The following PLXNA2 variants were observed in gnomAD, a reference collection of about 807,000 sequenced individuals.
PLXNA2 encodes the protein plexin A2, also known as plexin-A2.
PLXNA2 carries 91 observed loss-of-function variants against 193.5 expected under a neutral mutation model. The observed-to-expected ratio is 0.47, with a 90% CI of 0.40 to 0.56. PLXNA2 has a LOEUF of 0.56. Ranked by LOEUF, PLXNA2 falls within the 20% of genes least tolerant of loss-of-function variation. The pLI, the probability that PLXNA2 is intolerant of heterozygous loss-of-function variation, is 0.00. For synonymous variants in PLXNA2, 997 were observed against 1,027.3 expected, an observed-to-expected ratio of 0.97 and a Z score of 0.56; for missense variants, 1,995 against 2,503.2, an observed-to-expected ratio of 0.80 and a Z score of 4.33.
Position 208,066,509 on chromosome 1 carries a change from G to T in PLXNA2, c.2587-5672C>A, listed in dbSNP as rs146951925. On this transcript the variant is annotated intron_variant, in intron 12 of 31. Transcript: ENST00000367033. The stretch of plus-strand genomic sequence containing the variant: ...GGAGCTGAAAAATTCCTACCACCTT[G>T]TGGCATTGTGGCAGTCATAAGTCAT... Among the ~76,000 whole-genome samples the T allele has an allele frequency of 1.3e-3, 200 of 152,312 alleles. 1 individual carries two copies. The highest frequency in any genetic ancestry group is 4.7e-3 in the African/African-American group (196 of 41,556).
chr1:208,196,424 T>C (rs1572021104), intron 3 of PLXNA2, among the ~76,000 whole-genome samples: 1 of 152,222 alleles, frequency 6.6e-6, no homozygotes. Context: ...CCTTTAAGCA[T>C]GCACTTACAC....
At chr1:208,179,552 C>G (rs1215935702) in intron 3 of PLXNA2, among the ~76,000 whole-genome samples, 1 of 152,156 alleles carries the variant, frequency 6.6e-6, no homozygotes, top group African/African-American at 2.4e-5. Context: ...CCTTGGTTCA[C>G]AGACTACACG....
chr1:208,130,436 G>A (rs952611026), intron 4 of PLXNA2, among the ~76,000 whole-genome samples: 1 of 152,054 alleles, frequency 6.6e-6, no homozygotes, highest in South Asian at 2.1e-4. Flanking sequence ...ACACAGGAAC[G>A]TTTGCTCTCA....
At chr1:208,053,603 T>C (rs1665333067) in intron 14 of PLXNA2, among the ~76,000 whole-genome samples, 1 of 152,196 alleles carries the variant, frequency 6.6e-6, no homozygotes, top group Non-Finnish European at 1.5e-5. Context: ...TTTTTAAAAC[T>C]CTCAGCAAGG....
chr1:208,185,461 G>A (rs1418213116), intron 3 of PLXNA2, among the ~76,000 whole-genome samples: 2 of 151,828 alleles, frequency 1.3e-5, no homozygotes, highest in African/African-American at 4.8e-5. Context: ...TAAAGACTTG[G>A]CAAGAATTCC....
intron 3 of PLXNA2, among the ~76,000 whole-genome samples, chr1:208,148,357 G>C (rs1668661500): frequency 6.6e-6 from 1 of 152,108 alleles, no homozygotes. Flanking sequence ...AAAGAGATTG[G>C]TTTGAAAGGC....
chr1:208,222,415 A>AAG (rs150037374), intron 1 of PLXNA2, among the ~76,000 whole-genome samples: 1 of 152,190 alleles, frequency 6.6e-6, no homozygotes, highest in African/African-American at 2.4e-5. Context: ...TCGCCTGAAC[A>AAG]AGAGAGTCTC....
intron 22 of PLXNA2, among the ~76,000 whole-genome samples, chr1:208,041,582 T>C (rs1365045115): frequency 6.6e-6 from 1 of 152,210 alleles, no homozygotes; most frequent in African/African-American, 2.4e-5. Context: ...GGCCACTAGC[T>C]GCAATGTGGC....
rs368848400 is a variant in PLXNA2, at chr1:208,236,933, G to T, written c.-81+6710C>A. Among the ~76,000 whole-genome samples the T allele has an allele frequency of 2.0e-5, 3 of 152,236 alleles. No homozygotes were observed. The East Asian group carries it at 5.8e-4, about 29-fold the overall frequency. On this transcript the variant is annotated intron_variant, in intron 1 of 31. Transcript: ENST00000367033. This position sits in a 1 kb window ranked among gnomAD's most constrained non-coding sequence, Gnocchi z 4.4. ...TCTGTGCTTCCCAGTGCAGGGGTCA[G>T]TTCCCTGACAGCATCACTGATGTGG...
At position 208,142,324 on chromosome 1, in the gene PLXNA2, C is replaced by T. The variant is rs765602184; in HGVS notation, c.1506+5G>A. ...TGGAAAGCAGAGATGGATGTTAGCACTTACCTGTCTCTCAGACATGACGTA... is the reference window on the plus strand; with the variant it reads ...TGGAAAGCAGAGATGGATGTTAGCATTTACCTGTCTCTCAGACATGACGTA... On this transcript the variant is annotated splice_donor_5th_base_variant and intron_variant, in intron 4 of 31. Coordinates refer to ENST00000367033, the MANE Select transcript of PLXNA2 (RefSeq NM_025179.4). The T allele has an allele frequency of 4.4e-6, 7 of 1,589,518 alleles. No homozygotes were observed. The Admixed American group carries it at 1.1e-4, about 25-fold the overall frequency.
chr1:208,085,812 A>G (rs1315018616), intron 9 of PLXNA2, among the ~76,000 whole-genome samples: 1 of 152,138 alleles, frequency 6.6e-6, no homozygotes, highest in African/African-American at 2.4e-5. Flanking sequence ...GTTAACTCTG[A>G]GATGCCCTCT....
chr1:208,241,541 A>T (rs1301747776), intron 1 of PLXNA2, among the ~76,000 whole-genome samples: 1 of 152,240 alleles, frequency 6.6e-6, no homozygotes, highest in Non-Finnish European at 1.5e-5. Flanking sequence ...AAGAAGGACC[A>T]GCTGGGATTT....
chr1:208,095,442 C>T (rs1388085697), intron 8 of PLXNA2, among the ~76,000 whole-genome samples: 2 of 152,186 alleles, frequency 1.3e-5, no homozygotes, highest in Non-Finnish European at 2.9e-5. Flanking sequence ...CCACTGAAGG[C>T]TGTGGTTTGG....
chr1:208,142,214 CT>C, intron 4 of PLXNA2, 114 bp downstream of exon 4: 1 of 1,199,274 alleles, frequency 8.3e-7, no homozygotes, highest in Non-Finnish European at 1.1e-6. Context: ...CTCAAGACCC[CT>C]GTGCTGCAAG....
At chr1:208,035,651 C>T (rs1664649260) in intron 26 of PLXNA2, among the ~76,000 whole-genome samples, 1 of 152,172 alleles carries the variant, frequency 6.6e-6, no homozygotes, top group Non-Finnish European at 1.5e-5. Context: ...GGGAATAAAA[C>T]AGCTATAATA....
intron 12 of PLXNA2, among the ~76,000 whole-genome samples, chr1:208,074,017 G>A (rs2102372292): frequency 6.6e-6 from 1 of 152,350 alleles, no homozygotes; most frequent in East Asian, 1.9e-4. Context: ...CCTGTTTGTG[G>A]TTCTTTGCTA....
At chr1:208,037,687 G>A (rs867990456) in intron 26 of PLXNA2, among the ~76,000 whole-genome samples, 6 of 152,054 alleles carry the variant, frequency 3.9e-5, no homozygotes, top group South Asian at 4.1e-4. Context: ...GAGAAGAGGC[G>A]GGAGTAGATA....
At chr1:208,125,704 C>T (rs988868133) in intron 4 of PLXNA2, among the ~76,000 whole-genome samples, 6 of 152,306 alleles carry the variant, frequency 3.9e-5, no homozygotes, top group East Asian at 1.9e-4. Context: ...TTTGCCTGCC[C>T]GCTTTCCTCT....
In PLXNA2 at chr1:208,082,304, G is replaced by A; in HGVS notation, c.2395+108C>T. On this transcript the variant is annotated intron_variant, in intron 11 of 31. Coordinates refer to ENST00000367033, the MANE Select transcript of PLXNA2 (RefSeq NM_025179.4). This position sits in a 1 kb window ranked among gnomAD's most constrained non-coding sequence, Gnocchi z 4.2. ...CCTCTGAAGAGTTCCGCCGACAGAG[G>A]GAGTGTATTATTCATGGCACAGCGG... The A allele has an allele frequency of 1.2e-6, 1 of 804,806 alleles. No individual in the cohort carries two copies. Among genetic ancestry groups the A allele is most frequent in the South Asian group, 1.5e-5 (1 of 68,202 alleles). 49.9% of individuals were successfully genotyped at this position (804,806 alleles called of 1,614,324 possible). A position where few individuals can be genotyped will look rare whatever the true frequency, so the allele number is the denominator to read the frequency against.
Sources: allele counts gnomAD v4.1 joint callset (sites outside exome capture counted in the v4.1 genomes callset), GRCh38; gene constraint gnomAD v4.1.1; non-coding constraint Gnocchi (gnomAD v3.1); transcripts MANE v1.5; gene names NCBI Gene and HGNC (gene_info 2026-07-23, HGNC 2026-07-21).